BNIP3L: variants seen among roughly 807,000 people sequenced by gnomAD.
The protein encoded by BNIP3L is BCL2 interacting protein 3 like.
A neutral mutation model predicts 25.5 loss-of-function variants in BNIP3L; 10 were observed. The ratio of observed to expected loss-of-function variants is 0.39; its 90% CI spans 0.24 to 0.67. The LOEUF (loss-of-function observed/expected upper bound fraction) is 0.67. Among genes scored for constraint, BNIP3L ranks in the 30% least tolerant of loss-of-function variants. The probability of loss-of-function intolerance (pLI) is 0.45; values close to 1 mark genes in which losing one functional copy is unlikely to be tolerated. For synonymous variants in BNIP3L, 113 were observed against 101.2 expected, an observed-to-expected ratio of 1.12 and a Z score of -0.70; for missense variants, 215 against 270.9, an observed-to-expected ratio of 0.79 and a Z score of 1.45.
At chr8:26,401,554 CTTAAA>C (rs1411568249) in intron 3 of BNIP3L, among the ~76,000 whole-genome samples, 9 of 104,496 alleles carry the variant, frequency 8.6e-5, no homozygotes, top group African/African-American at 1.8e-4. Context: ...TACCCTAAAA[CTTAAA>C]TTAAAAAAAA....
At chr8:26,389,796 C>T (rs1806065403) in intron 1 of BNIP3L, among the ~76,000 whole-genome samples, 1 of 152,184 alleles carries the variant, frequency 6.6e-6, no homozygotes, top group Non-Finnish European at 1.5e-5. Context: ...CTAGGTCTGC[C>T]TTGGAGCTTT....
intron 3 of BNIP3L, among the ~76,000 whole-genome samples, chr8:26,401,548 C>A (rs1452750753): frequency 7.3e-6 from 1 of 136,814 alleles, no homozygotes; most frequent in Non-Finnish European, 1.5e-5. Context: ...CACATGTACC[C>A]TAAAACTTAA....
intron 5 of BNIP3L, 93 bp from the exon 6 acceptor site, chr8:26,410,271 A>G: frequency 1.4e-6 from 2 of 1,431,976 alleles, no homozygotes; most frequent in Non-Finnish European, 1.9e-6. Flanking sequence ...CCTTTTACAA[A>G]GACTGAAGAG....
At chr8:26,400,139 G>T (rs1806336808) in intron 3 of BNIP3L, among the ~76,000 whole-genome samples, 1 of 150,874 alleles carries the variant, frequency 6.6e-6, no homozygotes, top group Non-Finnish European at 1.5e-5. Flanking sequence ...AAAGCTGGAG[G>T]CATCACACTA....
rs1438085283 is a variant in BNIP3L at position 26,408,362 on chromosome 8, G to A, written c.597G>A (p.Leu199=). ...CATCTCTCTTCCTTTCTCATGTTTT[G>A]GCTTTGGGGCTAGGGTAAGTACCGG... ...FIPSLFLSHV[L]ALGLGIYIGK... Residue 199 remains leucine (L), a synonymous_variant, in exon 5 of 6, where the codon TTG becomes TTA. Transcript: ENST00000380629. 2 of 1,613,910 alleles carry A rather than the reference G, an allele frequency of 1.2e-6. No individual in the cohort carries two copies. Among genetic ancestry groups the A allele is most frequent in the Non-Finnish European group, 1.7e-6 (2 of 1,179,994 alleles).
Position 26,391,304 on chromosome 8 carries a change from T to TG in BNIP3L, c.168dup (p.Leu57AlafsTer25), listed in dbSNP as rs764667330. 1 of 1,611,312 alleles carries TG rather than the reference T, an allele frequency of 6.2e-7. No individual in the cohort carries two copies. Among genetic ancestry groups the TG allele is most frequent in the South Asian group, 1.1e-5 (1 of 90,544 alleles). On this transcript the variant is annotated frameshift_variant, in exon 2 of 6. Coordinates refer to ENST00000380629, the MANE Select transcript of BNIP3L (RefSeq NM_004331.3). LOFTEE classifies it high-confidence loss of function. ...GCAATGATAATGGCAATGGGAAAAA[T>TG]GGGGGGCTGGAACACGTACCATCCT...
intron 3 of BNIP3L, among the ~76,000 whole-genome samples, chr8:26,406,682 C>T (rs574745260): frequency 4.0e-5 from 6 of 151,868 alleles, no homozygotes; most frequent in Non-Finnish European, 7.4e-5. Context: ...ATTAGCTGGG[C>T]GTGGTGGCAC....
At chr8:26,387,191 A>G (rs1216469414) in intron 1 of BNIP3L, among the ~76,000 whole-genome samples, 1 of 152,220 alleles carries the variant, frequency 6.6e-6, no homozygotes, top group Non-Finnish European at 1.5e-5. Flanking sequence ...TACGGCAATG[A>G]GTATAATCAC....
At chr8:26,405,968 A>G (rs2117493014) in intron 3 of BNIP3L, among the ~76,000 whole-genome samples, 2 of 152,324 alleles carry the variant, frequency 1.3e-5, no homozygotes, top group East Asian at 3.9e-4. Context: ...GCTAGAACCC[A>G]GGAGGCAGAG....
chr8:26,389,414 A>T (rs971567265), intron 1 of BNIP3L, among the ~76,000 whole-genome samples: 1 of 151,700 alleles, frequency 6.6e-6, no homozygotes, highest in Non-Finnish European at 1.5e-5. Flanking sequence ...TCAATGTTAG[A>T]TCTCTCTTAG....
intron 1 of BNIP3L, among the ~76,000 whole-genome samples, chr8:26,384,778 A>G (rs1209848530): frequency 1.5e-5 from 2 of 133,714 alleles, no homozygotes; most frequent in African/African-American, 5.9e-5. Flanking sequence ...TCTGTCTACA[A>G]CCTCCGCCTC....
rs532017041 is a variant in BNIP3L at position 26,408,222 on chromosome 8, C to T, written c.462-5C>T. 5 of 1,613,104 alleles carry T rather than the reference C, an allele frequency of 3.1e-6. No individual in the cohort carries two copies. The East Asian group carries it at 1.1e-4, about 36-fold the overall frequency. On this transcript the variant is annotated splice_polypyrimidine_tract_variant and splice_region_variant and intron_variant, in intron 4 of 5. Transcript: ENST00000380629. ...ATGACATCTGCCTCTGAATTTCTTT[C>T]TCAGGGAGTTCCACTTCAGACACCC...
intron 3 of BNIP3L, among the ~76,000 whole-genome samples, chr8:26,403,925 A>G (rs1186678455): frequency 6.6e-6 from 1 of 152,182 alleles, no homozygotes; most frequent in African/African-American, 2.4e-5. Flanking sequence ...CTAATTACTT[A>G]TCTAAGATCA....
intron 1 of BNIP3L, among the ~76,000 whole-genome samples, chr8:26,388,721 A>G (rs1806043128): frequency 6.6e-6 from 1 of 152,194 alleles, no homozygotes; most frequent in African/African-American, 2.4e-5. Flanking sequence ...CTGTAAGCCC[A>G]GCACTTTGGG....
chr8:26,408,989 G>C (rs139290593), intron 5 of BNIP3L, among the ~76,000 whole-genome samples: 3 of 151,100 alleles, frequency 2.0e-5, no homozygotes, highest in African/African-American at 7.3e-5. Context: ...ATTTAATCTT[G>C]AGTAATTTAT....
chr8:26,410,276 GAAGAGTTTT>G, intron 5 of BNIP3L, 79 bp from the exon 6 acceptor site: 1 of 1,467,832 alleles, frequency 6.8e-7, no homozygotes, highest in Non-Finnish European at 9.5e-7. Flanking sequence ...TACAAAGACT[GAAGAGTTTT>G]AAGTAGAGTT....
chr8:26,386,834 A>G (rs1806003648), intron 1 of BNIP3L, among the ~76,000 whole-genome samples: 1 of 152,206 alleles, frequency 6.6e-6, no homozygotes, highest in Non-Finnish European at 1.5e-5. Context: ...ATACCTACGT[A>G]ACTTGTATGT....
At chr8:26,404,592 G>T (rs1806458020) in intron 3 of BNIP3L, among the ~76,000 whole-genome samples, 1 of 152,164 alleles carries the variant, frequency 6.6e-6, no homozygotes, top group African/African-American at 2.4e-5. Context: ...TCGGCTCACT[G>T]CAACCTCTGT....
chr8:26,383,177 A>G lies in BNIP3L; in HGVS notation c.47A>G (p.Asn16Ser). ...VEPPPPLHNN[N>S]NNCEENEQSL... ...CCGCCGCCGCCCCTGCACAACAACAACAACAACTGCGAGGAAAATGAGCAG... is the reference window on the plus strand; with the variant it reads ...CCGCCGCCGCCCCTGCACAACAACAGCAACAACTGCGAGGAAAATGAGCAG... The change falls in exon 1 of 6, where the codon AAC (asparagine) becomes AGC (serine). Residue 16 changes from asparagine (N) to serine (S), a missense_variant. By Grantham distance (46) the Asn-to-Ser change is conservative. Coordinates refer to ENST00000380629, the MANE Select transcript of BNIP3L (RefSeq NM_004331.3). The G allele has an allele frequency of 6.2e-7, 1 of 1,612,554 alleles. No homozygotes were observed. The highest frequency in any genetic ancestry group is 8.5e-7 in the Non-Finnish European group (1 of 1,179,748).
Sources: gnomAD v4.1 joint callset for allele counts (sites outside exome capture counted in the v4.1 genomes callset) on GRCh38, gnomAD v4.1.1 for gene constraint, MANE v1.5 for transcripts, NCBI Gene and HGNC (gene_info 2026-07-23, HGNC 2026-07-21) for gene names.